The following VWA3A variants were observed in gnomAD, a reference collection of about 807,000 sequenced individuals.
VWA3A encodes the protein von Willebrand factor A domain containing 3A.
Under a neutral mutation model 160.4 loss-of-function variants are expected in VWA3A, and 134 were observed. The ratio of observed to expected loss-of-function variants is 0.84; its 90% CI spans 0.73 to 0.96. The LOEUF (loss-of-function observed/expected upper bound fraction) is 0.96. Ranked by LOEUF, VWA3A falls within the 40% of genes least tolerant of loss-of-function variation. The pLI, the probability that VWA3A is intolerant of heterozygous loss-of-function variation, is 0.00. For synonymous variants in VWA3A, 476 were observed against 543.4 expected, an observed-to-expected ratio of 0.88 and a Z score of 1.72; for missense variants, 1,310 against 1,447.9, an observed-to-expected ratio of 0.90 and a Z score of 1.55.
At chr16:22,134,273 T>C (rs1017190729) in intron 20 of VWA3A, 95 bp from the exon 21 acceptor site, 23 of 1,004,772 alleles carry the variant, frequency 2.3e-5, no homozygotes, top group Non-Finnish European at 3.2e-5. Context: ...AGCCCTCAAG[T>C]CACCTCCAGG....
Position 22,111,017 on chromosome 16 carries a change from G to A in VWA3A, c.689+23G>A, listed in dbSNP as rs764289647. On this transcript the variant is annotated intron_variant, in intron 8 of 33. Transcript: ENST00000389398. ...CACGTGAGTGGCTTTCCTACCTGAC[G>A]GTGATGTTCACTTGTTCATTTTCCT... The A allele has an allele frequency of 4.2e-5, 66 of 1,568,906 alleles. 1 individual carries two copies. The Admixed American group carries it at 8.1e-4, about 19-fold the overall frequency.
chr16:22,104,005 GC>G (rs1342232263), intron 6 of VWA3A, among the ~76,000 whole-genome samples: 3 of 152,068 alleles, frequency 2.0e-5, no homozygotes, highest in Admixed American at 6.5e-5. Flanking sequence ...GACTGGATTA[GC>G]CCCCCAGCCC....
Position 22,133,015 on chromosome 16 carries a change from C to G in VWA3A, c.1988C>G (p.Ala663Gly). ...KMDTTPPARY[A>G]SHTDTAAAYK... ...GACACCACACCCCCTGCCCGCTATGCCAGTCACACTGACACAGCCGCCGCC... is the reference window on the plus strand; with the variant it reads ...GACACCACACCCCCTGCCCGCTATGGCAGTCACACTGACACAGCCGCCGCC... Residue 663 changes from alanine to glycine, a missense_variant, in exon 20 of 34, where the codon GCC (alanine) becomes GGC (glycine). Transcript: ENST00000389398. 6.2e-7 allele frequency: 1 copy of G among 1,613,938 alleles called. No individual in the cohort carries two copies. Among genetic ancestry groups the G allele is most frequent in the Non-Finnish European group, 8.5e-7 (1 of 1,179,876 alleles).
chr16:22,147,043 A>G (rs2046265440), intron 27 of VWA3A, among the ~76,000 whole-genome samples: 2 of 152,166 alleles, frequency 1.3e-5, no homozygotes. Flanking sequence ...GTTTTGTTTT[A>G]GAAACAGGGT....
intron 12 of VWA3A, among the ~76,000 whole-genome samples, chr16:22,119,804 G>C (rs143775386): frequency 0.022 from 3,298 of 152,274 alleles, 41 homozygotes; most frequent in Non-Finnish European, 0.032. Context: ...GATCGCTTGA[G>C]GTGAGGAGTT....
In VWA3A at chr16:22,138,435, C is replaced by A; in HGVS notation, c.2215C>A (p.Pro739Thr). 6.2e-7 allele frequency: 1 copy of A among 1,613,462 alleles called. No individual in the cohort carries two copies. Reference sequence around the variant, plus strand: ...AAGTTCAGCCCTCCCGAAAGAAAAACCAAAGACACTTCAGCTAAGAAGTCA... The same window carrying A: ...AAGTTCAGCCCTCCCGAAAGAAAAAACAAAGACACTTCAGCTAAGAAGTCA... ...LGSSALPKEKPKTLQLRSQPK... is the reference protein window; with the variant it reads ...LGSSALPKEKTKTLQLRSQPK... Residue 739 changes from proline (P) to threonine (T), a missense_variant, in exon 22 of 34, where the codon CCA (proline) becomes ACA (threonine). Transcript: ENST00000389398.
In VWA3A at chr16:22,146,231, C is replaced by G. The variant is rs1253324987; in HGVS notation, c.2731-5C>G. ...GGGTGCTTGCCTCTGCTTGCCTTAA[C>G]CCAGGGAGTGGTGAGACACATCCAG... On this transcript the variant is annotated splice_polypyrimidine_tract_variant and splice_region_variant and intron_variant, in intron 26 of 33. Transcript: ENST00000389398. 17 of 1,612,248 alleles carry G rather than the reference C, an allele frequency of 1.1e-5. No homozygotes were observed. The highest frequency in any genetic ancestry group is 8.0e-5 in the African/African-American group (6 of 74,994).
chr16:22,115,279 A>T (rs1287763965), intron 8 of VWA3A, 68 bp from the exon 9 acceptor site: 1 of 1,479,700 alleles, frequency 6.8e-7, no homozygotes, highest in Non-Finnish European at 9.0e-7. Context: ...TTATCTCTAA[A>T]AAGAAATTAA....
chr16:22,113,302 C>T (rs1287102921), intron 8 of VWA3A, among the ~76,000 whole-genome samples: 1 of 150,466 alleles, frequency 6.6e-6, no homozygotes, highest in African/African-American at 2.4e-5. Context: ...AGCAATCCTC[C>T]TGCCTCAGCC....
chr16:22,148,019 T>C (rs1388783618), intron 27 of VWA3A, 143 bp from the exon 28 acceptor site: 1 of 1,100,324 alleles, frequency 9.1e-7, no homozygotes, highest in Non-Finnish European at 1.3e-6. Flanking sequence ...AAGCCGTCTC[T>C]CAGTGGGGTG....
intron 21 of VWA3A, among the ~76,000 whole-genome samples, chr16:22,136,681 G>C (rs954868235): frequency 6.6e-6 from 1 of 151,918 alleles, no homozygotes; most frequent in Non-Finnish European, 1.5e-5. Context: ...CAGATCTGTG[G>C]CTCCCCCTGC....
At chr16:22,129,421 A>AGAAAGAAG (rs2045910124) in intron 17 of VWA3A, among the ~76,000 whole-genome samples, 1 of 151,650 alleles carries the variant, frequency 6.6e-6, no homozygotes, top group African/African-American at 2.4e-5. Flanking sequence ...AAAGAAAGAA[A>AGAAAGAAG]GAAAGAGGTG....
chr16:22,136,909 A>G (rs2046054221), intron 21 of VWA3A, among the ~76,000 whole-genome samples: 1 of 150,986 alleles, frequency 6.6e-6, no homozygotes, highest in Non-Finnish European at 1.5e-5. Context: ...ACACACACAC[A>G]CACACACACG....
chr16:22,130,542 TCTC>T (rs2045929463), intron 17 of VWA3A, among the ~76,000 whole-genome samples: 1 of 152,156 alleles, frequency 6.6e-6, no homozygotes, highest in African/African-American at 2.4e-5. Context: ...TAAATCCTCT[TCTC>T]AAAGATCTTA....
In VWA3A at chr16:22,092,589, G is replaced by C; in HGVS notation, c.-49G>C. On this transcript the variant is annotated 5_prime_UTR_variant, in exon 1 of 34. Coordinates refer to ENST00000389398, the MANE Select transcript of VWA3A (RefSeq NM_173615.5). ...AAACCAGAAGTGAGATCCAGGAGAA[G>C]TAAGGCCCTGGAGTGCCAGGAGCCC... The C allele has an allele frequency of 1.3e-6, 2 of 1,548,318 alleles. No individual in the cohort carries two copies. Among genetic ancestry groups the C allele is most frequent in the Non-Finnish European group, 8.7e-7 (1 of 1,144,820 alleles).
intron 22 of VWA3A, 150 bp downstream of exon 22, chr16:22,138,662 CA>C: frequency 9.3e-7 from 1 of 1,079,088 alleles, no homozygotes; most frequent in Non-Finnish European, 1.3e-6. Flanking sequence ...CCCAGGCCTC[CA>C]GGGGGAAAAT....
Position 22,096,749 on chromosome 16 carries a change from A to C in VWA3A, c.15-110A>C, listed in dbSNP as rs147766674. On this transcript the variant is annotated intron_variant, in intron 1 of 33. Coordinates refer to ENST00000389398, the MANE Select transcript of VWA3A (RefSeq NM_173615.5). ...AACTAAGTGAGACCCTATCTCAAAA[A>C]AAAATTAAACATGTAGAAAAAGAAG... 4,696 of 760,462 alleles carry C rather than the reference A, an allele frequency of 6.2e-3. 29 individuals carry two copies. Among genetic ancestry groups the C allele is most frequent in the East Asian group, 0.024 (846 of 35,312 alleles). The allele number at this position is 760,462 out of a possible 1,614,324, so 47.1% of individuals were successfully genotyped here.
chr16:22,124,453 A>G (rs2045804859), intron 16 of VWA3A, among the ~76,000 whole-genome samples: 1 of 150,574 alleles, frequency 6.6e-6, no homozygotes, highest in Non-Finnish European at 1.5e-5. Flanking sequence ...GTTATCTATT[A>G]TGGCCATTAT....
intron 5 of VWA3A, among the ~76,000 whole-genome samples, 191 bp from the exon 6 acceptor site, chr16:22,103,284 T>A (rs941190882): frequency 2.0e-5 from 3 of 152,142 alleles, no homozygotes; most frequent in Non-Finnish European, 4.4e-5. Flanking sequence ...TCCTCCCACG[T>A]CAGGCTCCTG....
Sources: allele counts gnomAD v4.1 joint callset (sites outside exome capture counted in the v4.1 genomes callset), GRCh38; gene constraint gnomAD v4.1.1; transcripts MANE v1.5; gene names NCBI Gene and HGNC (gene_info 2026-07-23, HGNC 2026-07-21).